Variants in EBNA1BP2 observed in about 807,000 individuals in gnomAD.
The protein encoded by EBNA1BP2 is EBNA1 binding protein 2, also known as probable rRNA-processing protein EBP2.
Under a neutral mutation model 43.5 loss-of-function variants are expected in EBNA1BP2, and 36 were observed. That is an observed-to-expected ratio of 0.83 (90% CI 0.63 to 1.09). EBNA1BP2 has a LOEUF of 1.09. Among genes scored for constraint, EBNA1BP2 ranks in the 50% least tolerant of loss-of-function variants. EBNA1BP2 has a pLI of 0.00. For missense variants in EBNA1BP2, 332 were observed against 379.1 expected (o/e 0.88, Z 1.03); for synonymous variants, 127 against 141.3 (o/e 0.90, Z 0.72).
At chr1:43,166,131 T>C (rs1644916659) in intron 7 of EBNA1BP2, among the ~76,000 whole-genome samples, 1 of 152,194 alleles carries the variant, frequency 6.6e-6, no homozygotes, top group South Asian at 2.1e-4. Flanking sequence ...GCAGACACTA[T>C]TTCCTCAACT....
At chr1:43,164,926 G>T in intron 7 of EBNA1BP2, 121 bp from the exon 8 acceptor site, 1 of 1,246,236 alleles carries the variant, frequency 8.0e-7, no homozygotes. Context: ...CTGTAACCCA[G>T]AATCTCATCC....
At chr1:43,171,209 T>C (rs1002747764) in intron 3 of EBNA1BP2, 1 of 454,948 alleles carries the variant, frequency 2.2e-6, no homozygotes. Context: ...TAAGCAATGT[T>C]TGTTTGTTTG....
At position 43,166,842 on chromosome 1, in the gene EBNA1BP2, G is replaced by A. The variant is rs776088528; in HGVS notation, c.691C>T (p.Gln231Ter). Reference protein sequence around the residue: ...AQRKKAGAKGQQMRKGPSAKR... With the variant: ...AQRKKAGAKG Reference sequence around the variant, plus strand: ...CCTTCTCACCCCTTCCTCATCTGCTGGCCTTTGGCTCCTGCCTTCTTGCGC... The same window carrying A: ...CCTTCTCACCCCTTCCTCATCTGCTAGCCTTTGGCTCCTGCCTTCTTGCGC... Residue 231 changes from glutamine to a stop codon, truncating the protein, a stop_gained, in exon 7 of 9, where the codon CAG becomes TAG. Transcript: ENST00000236051. LOFTEE classifies it high-confidence loss of function. 3 of 1,611,444 alleles carry A rather than the reference G, an allele frequency of 1.9e-6. No individual in the cohort carries two copies. Among genetic ancestry groups the A allele is most frequent in the African/African-American group, 1.3e-5 (1 of 74,644 alleles).
chr1:43,170,867 G>A lies in EBNA1BP2; in HGVS notation c.336C>T (p.Ala112=). ...GTAAGACTGCAAGCACTGCGGCCTG[G>A]GCTTGGCGATAGCTGAGAATCGTAG... is the stretch of plus-strand genomic sequence containing the variant. ...FQREMSFYRQ[A]QAAVLAVLPR... Residue 112 remains alanine, a synonymous_variant, in exon 4 of 9, where the codon GCC becomes GCT. Transcript: ENST00000236051. 1 of 1,578,770 alleles carries A rather than the reference G, an allele frequency of 6.3e-7. No individual in the cohort carries two copies. Among genetic ancestry groups the A allele is most frequent in the East Asian group, 2.4e-5 (1 of 42,534 alleles).
At chr1:43,170,942 C>G in intron 3 of EBNA1BP2, 63 bp from the exon 4 acceptor site, 1 of 1,471,552 alleles carries the variant, frequency 6.8e-7, no homozygotes, top group Non-Finnish European at 9.0e-7. Flanking sequence ...TCCTTTTCAC[C>G]GCCAATCATG....
chr1:43,169,589 G>C (rs768051742), intron 4 of EBNA1BP2, among the ~76,000 whole-genome samples: 1 of 152,288 alleles, frequency 6.6e-6, no homozygotes, highest in East Asian at 1.9e-4. Context: ...AGTATCCATA[G>C]AGGATTAGTT....
rs1400727321 is a variant in EBNA1BP2, at chr1:43,171,898, G to A, written c.138C>T (p.Ala46=). The change falls in exon 2 of 9, where the codon GCC becomes GCT. Residue 46 remains alanine (A), a synonymous_variant. Coordinates refer to ENST00000236051, the MANE Select transcript of EBNA1BP2 (RefSeq NM_006824.3). ...TGCCCACGCTCACCACGTCGTTCAC[G>A]GCCTTCTTCGGCCCCTCTAGCACGA... ...LNVVLEGPKK[A]VNDVNGLKQC... 3 of 1,614,034 alleles carry A rather than the reference G, an allele frequency of 1.9e-6. No individual in the cohort carries two copies. Among genetic ancestry groups the A allele is most frequent in the Non-Finnish European group, 2.5e-6 (3 of 1,179,942 alleles).
In EBNA1BP2 at chr1:43,171,574, C is replaced by T. The variant is rs770528240; in HGVS notation, c.228G>A (p.Pro76=). The change falls in exon 3 of 9, where the codon CCG becomes CCA. Residue 76 remains proline, a synonymous_variant. Coordinates refer to ENST00000236051, the MANE Select transcript of EBNA1BP2 (RefSeq NM_006824.3). ...WVERLDVTLG[P]VPEIGGSEAP... ...CCTCAGATCCACCGATCTCCGGTAC[C>T]GGACCCAGTGTCACATCGAGCCTTT... 5.0e-6 allele frequency: 8 copies of T among 1,614,056 alleles called. No homozygotes were observed. In the Admixed American group the frequency reaches 1.2e-4, roughly 24 times the overall value.
At chr1:43,166,969 A>G (rs758193412) in intron 6 of EBNA1BP2, 50 bp from the exon 7 acceptor site, 2 of 1,593,716 alleles carry the variant, frequency 1.3e-6, no homozygotes, top group African/African-American at 1.4e-5. Context: ...TTTAAGAATA[A>G]AAGTTTAAAC....
chr1:43,167,490 T>C (rs1644926492), intron 5 of EBNA1BP2, among the ~76,000 whole-genome samples: 1 of 152,202 alleles, frequency 6.6e-6, no homozygotes, highest in African/African-American at 2.4e-5. Flanking sequence ...GGAAGTTAAC[T>C]TGCCCAAGTC....
At chr1:43,172,349 T>A, upstream of EBNA1BP2, 2 of 1,551,586 alleles carry the variant, frequency 1.3e-6, no homozygotes, top group Non-Finnish European at 1.7e-6. Flanking sequence ...TTGTCGTTGC[T>A]ATAGGAACCG....
At chr1:43,167,682 C>T (rs1644927543) in intron 5 of EBNA1BP2, among the ~76,000 whole-genome samples, 1 of 151,766 alleles carries the variant, frequency 6.6e-6, no homozygotes, top group African/African-American at 2.4e-5. Flanking sequence ...CATGAAAGTA[C>T]CAAAAGGAAG....
intron 7 of EBNA1BP2, 137 bp downstream of exon 7, chr1:43,166,689 G>T: frequency 2.4e-6 from 2 of 824,962 alleles, no homozygotes; most frequent in Admixed American, 2.6e-5. Context: ...AGTCATAGGG[G>T]TCCTGGCCCC....
rs1644956181 is a variant in EBNA1BP2 at position 43,170,829 on chromosome 1, T to G, written c.374A>C (p.Gln125Pro). 1.2e-6 allele frequency: 2 copies of G among 1,605,310 alleles called. No homozygotes were observed. Among genetic ancestry groups the G allele is most frequent in the Non-Finnish European group, 1.7e-6 (2 of 1,176,546 alleles). Residue 125 changes from glutamine (Q) to proline (P), a missense_variant, in exon 4 of 9, where the codon CAG (glutamine) becomes CCG (proline). Gln to Pro is a moderately conservative substitution (Grantham distance 76, BLOSUM62 -1). Coordinates refer to ENST00000236051, the MANE Select transcript of EBNA1BP2 (RefSeq NM_006824.3). Reference sequence around the variant, plus strand: ...GGGTCGCTTCGTAGGGACTTTGAGCTGATGGAGGCGGGGTAAGACTGCAAG... The same window carrying G: ...GGGTCGCTTCGTAGGGACTTTGAGCGGATGGAGGCGGGGTAAGACTGCAAG... ...AVLAVLPRLH[Q>P]LKVPTKRPTD...
intron 5 of EBNA1BP2, among the ~76,000 whole-genome samples, chr1:43,167,730 A>T (rs1021076352): frequency 1.3e-5 from 2 of 152,242 alleles, no homozygotes; most frequent in African/African-American, 4.8e-5. Context: ...AAAAGAAAAA[A>T]GTTTGAAGGA....
Position 43,164,450 on chromosome 1 carries a change from G to A in EBNA1BP2, c.914C>T (p.Thr305Ile), listed in dbSNP as rs1359219717. 1 of 1,614,198 alleles carries A rather than the reference G, an allele frequency of 6.2e-7. No homozygotes were observed. Among genetic ancestry groups the A allele is most frequent in the Non-Finnish European group, 8.5e-7 (1 of 1,180,040 alleles). The change falls in exon 9 of 9, where the codon ACA becomes ATA. Residue 305 changes from threonine to isoleucine, a missense_variant. Transcript: ENST00000236051. ...KRTREKMKNRTH is the reference protein window; with the variant it reads ...KRTREKMKNRIH ...TGTATTCAAAGATGCTATTTAGTGT[G>A]TTCTGTTCTTCATCTTCTCTCTTGT...
chr1:43,166,923 T>C lies in EBNA1BP2; in HGVS notation c.614-4A>G. The C allele has an allele frequency of 6.2e-7, 1 of 1,611,822 alleles. No homozygotes were observed. On this transcript the variant is annotated splice_polypyrimidine_tract_variant and splice_region_variant and intron_variant, in intron 6 of 8. Coordinates refer to ENST00000236051, the MANE Select transcript of EBNA1BP2 (RefSeq NM_006824.3). ...AAATCCAGTTTATCAGAGAAGCCTG[T>C]AAGTGAAGAAGTAGTTTTGATCAGC...
intron 3 of EBNA1BP2, 67 bp downstream of exon 3, chr1:43,171,412 T>C (rs1365218157): frequency 2.0e-6 from 3 of 1,535,002 alleles, no homozygotes; most frequent in Non-Finnish European, 2.6e-6. Context: ...GACTTACTAA[T>C]TTCCCCTCTT....
At chr1:43,169,753 G>C (rs559093166) in intron 4 of EBNA1BP2, among the ~76,000 whole-genome samples, 1 of 152,236 alleles carries the variant, frequency 6.6e-6, no homozygotes, top group South Asian at 2.1e-4. Context: ...AACCCACTAT[G>C]AATCTGTGGC....
Sources: allele counts gnomAD v4.1 joint callset (sites outside exome capture counted in the v4.1 genomes callset), GRCh38; gene constraint gnomAD v4.1.1; transcripts MANE v1.5; gene names NCBI Gene and HGNC (gene_info 2026-07-23, HGNC 2026-07-21).